Variants in DPYD observed in about 807,000 individuals in gnomAD.
DPYD encodes dihydropyrimidine dehydrogenase [NADP(+)].
DPYD carries 109 observed loss-of-function variants against 116.2 expected under a neutral mutation model. That is an observed-to-expected ratio of 0.94 (90% CI 0.80 to 1.10). The LOEUF is 1.10. DPYD is among the 50% of genes least tolerant of loss of function. The pLI is 0.00. For missense variants in DPYD, 1,302 were observed against 1,254.5 expected (o/e 1.04, Z -0.57); for synonymous variants, 440 against 432.0 (o/e 1.02, Z -0.23).
chr1:97,749,814 T>A (rs1211142191), intron 3 of DPYD, among the ~76,000 whole-genome samples: 2 of 152,104 alleles, frequency 1.3e-5, no homozygotes, highest in African/African-American at 2.4e-5. Context: ...TAGACAGCTG[T>A]TACATGATGC....
chr1:97,858,671 A>T (rs1276809644), intron 2 of DPYD, among the ~76,000 whole-genome samples: 3 of 152,148 alleles, frequency 2.0e-5, no homozygotes, highest in Non-Finnish European at 4.4e-5. Context: ...ATACTAATAT[A>T]TTTACCAAAA....
At chr1:97,202,199 T>C (rs1557934548) in intron 19 of DPYD, among the ~76,000 whole-genome samples, 2 of 152,178 alleles carry the variant, frequency 1.3e-5, no homozygotes, top group South Asian at 2.1e-4. Flanking sequence ...GATAAGTAGT[T>C]CTGCTTATTA....
At chr1:97,112,324 G>C (rs1651658473) in intron 20 of DPYD, among the ~76,000 whole-genome samples, 1 of 152,106 alleles carries the variant, frequency 6.6e-6, no homozygotes. Flanking sequence ...CATTTAGACT[G>C]CATACACTGT....
intron 14 of DPYD, among the ~76,000 whole-genome samples, chr1:97,400,471 G>A (rs920534811): frequency 6.6e-6 from 1 of 152,154 alleles, no homozygotes; most frequent in Non-Finnish European, 1.5e-5. Flanking sequence ...CATTAAATGA[G>A]TTAGGGAGGA....
At chr1:97,919,971 A>G (rs1674422164) in intron 1 of DPYD, among the ~76,000 whole-genome samples, 1 of 152,224 alleles carries the variant, frequency 6.6e-6, no homozygotes, top group African/African-American at 2.4e-5. Flanking sequence ...AGGACTGACG[A>G]AAGGAAAATT....
At chr1:97,220,939 T>C (rs1570698782) in intron 19 of DPYD, among the ~76,000 whole-genome samples, 1 of 152,124 alleles carries the variant, frequency 6.6e-6, no homozygotes, top group Non-Finnish European at 1.5e-5. Context: ...TTTCATGTTA[T>C]CCAAAAATGT....
chr1:97,792,564 T>C (rs1428105296), intron 3 of DPYD, among the ~76,000 whole-genome samples: 1 of 152,170 alleles, frequency 6.6e-6, no homozygotes, highest in African/African-American at 2.4e-5. Flanking sequence ...CTGAGCTCTT[T>C]AGTCTGCATC....
chr1:97,775,788 C>T (rs1287991583), intron 3 of DPYD, among the ~76,000 whole-genome samples: 1 of 152,118 alleles, frequency 6.6e-6, no homozygotes, highest in Admixed American at 6.5e-5. Flanking sequence ...GATACCATAG[C>T]TAGAATGCAA....
chr1:97,584,968 A>AAT (rs1276364378), intron 10 of DPYD, among the ~76,000 whole-genome samples: 9 of 149,804 alleles, frequency 6.0e-5, no homozygotes, highest in South Asian at 2.1e-4. Context: ...TAATAATAAT[A>AAT]AAGAAATAAA....
chr1:97,444,572 A>C (rs1216827223), intron 14 of DPYD, among the ~76,000 whole-genome samples: 2 of 152,180 alleles, frequency 1.3e-5, no homozygotes, highest in Non-Finnish European at 2.9e-5. Flanking sequence ...TGAACTTTAC[A>C]AAAAATACAC....
chr1:97,600,878 G>A (rs956497751), intron 8 of DPYD, among the ~76,000 whole-genome samples: 3 of 152,068 alleles, frequency 2.0e-5, no homozygotes, highest in Admixed American at 1.3e-4. Flanking sequence ...CACAGTCCAC[G>A]AAACTTAGCA....
intron 18 of DPYD, among the ~76,000 whole-genome samples, chr1:97,296,963 T>C: frequency 6.6e-6 from 1 of 152,124 alleles, no homozygotes; most frequent in Non-Finnish European, 1.5e-5. Flanking sequence ...ATTTAAAGAA[T>C]TCATATTTGC....
intron 2 of DPYD, among the ~76,000 whole-genome samples, chr1:97,851,516 G>A (rs1174727324): frequency 2.6e-5 from 4 of 151,804 alleles, no homozygotes; most frequent in Non-Finnish European, 5.9e-5. Context: ...AGAAAATATA[G>A]TTATAATTTA....
chr1:97,229,841 A>G (rs1003902954), intron 19 of DPYD, among the ~76,000 whole-genome samples: 4 of 152,116 alleles, frequency 2.6e-5, no homozygotes, highest in African/African-American at 9.7e-5. Flanking sequence ...TTGGGAACCA[A>G]TATTTTAATA....
intron 20 of DPYD, among the ~76,000 whole-genome samples, chr1:97,134,079 T>A (rs1653599295): frequency 1.5e-5 from 2 of 131,912 alleles, no homozygotes; most frequent in Non-Finnish European, 3.1e-5. Context: ...TCTAATTATA[T>A]TAGGTAGAGA....
At chr1:97,226,196 A>T (rs1389598374) in intron 19 of DPYD, among the ~76,000 whole-genome samples, 1 of 152,160 alleles carries the variant, frequency 6.6e-6, no homozygotes, top group Non-Finnish European at 1.5e-5. Context: ...CATCTTTCTT[A>T]ATAAAAACTC....
chr1:97,830,894 A>G (rs1168119534), intron 2 of DPYD, among the ~76,000 whole-genome samples: 3 of 152,142 alleles, frequency 2.0e-5, no homozygotes, highest in Non-Finnish European at 4.4e-5. Context: ...GGCAACCTTA[A>G]TAATAATTTT....
chr1:97,439,721 C>T (rs1325209613), intron 14 of DPYD, among the ~76,000 whole-genome samples: 1 of 151,834 alleles, frequency 6.6e-6, no homozygotes, highest in African/African-American at 2.4e-5. Context: ...ATTTCTTTTC[C>T]ACTCTGATCT....
intron 14 of DPYD, among the ~76,000 whole-genome samples, chr1:97,447,461 G>A (rs12749890): frequency 1.3e-5 from 2 of 152,144 alleles, no homozygotes; most frequent in Non-Finnish European, 2.9e-5. Flanking sequence ...AAATGGGAAT[G>A]CCATTTTAAT....
Sources: allele counts gnomAD v4.1 joint callset (sites outside exome capture counted in the v4.1 genomes callset), GRCh38; gene constraint gnomAD v4.1.1; transcripts MANE v1.5; gene names NCBI Gene and HGNC (gene_info 2026-07-23, HGNC 2026-07-21).